Variants in MRGPRX2 observed in about 807,000 individuals in gnomAD.
MRGPRX2 encodes the protein mas-related G protein-coupled receptor member X2.
For missense variants in MRGPRX2, 389 were observed against 404.5 expected (o/e 0.96, Z 0.33); for synonymous variants, 183 against 175.6 (o/e 1.04, Z -0.33).
Position 19,056,211 on chromosome 11 carries a change from G to C in MRGPRX2, c.192C>G (p.Phe64Leu), listed in dbSNP as rs937314036. 4.3e-6 allele frequency: 7 copies of C among 1,614,024 alleles called. No individual in the cohort carries two copies. Among genetic ancestry groups the C allele is most frequent in the Non-Finnish European group, 5.1e-6 (6 of 1,179,982 alleles). ...LLGFRMRRNAFSVYVLSLAGA... is the reference protein window; with the variant it reads ...LLGFRMRRNALSVYVLSLAGA... ...CGGCCAGGCTGAGGACGTAGACAGAGAAGGCGTTCCTGCGCATGCGGAAGC... is the reference window on the plus strand; with the variant it reads ...CGGCCAGGCTGAGGACGTAGACAGACAAGGCGTTCCTGCGCATGCGGAAGC... The change falls in exon 2 of 2, where the codon TTC (phenylalanine) becomes TTG (leucine). Residue 64 changes from phenylalanine to leucine, a missense_variant. Coordinates refer to ENST00000329773, the MANE Select transcript of MRGPRX2 (RefSeq NM_054030.4).
chr11:19,057,206 CAT>C (rs1010560046), intron 1 of MRGPRX2, among the ~76,000 whole-genome samples: 50 of 152,288 alleles, frequency 3.3e-4, no homozygotes, highest in Middle Eastern at 3.4e-3. Context: ...AAAAAACACA[CAT>C]GTAAAGAAAT....
chr11:19,057,715 A>T (rs552784991), intron 1 of MRGPRX2, among the ~76,000 whole-genome samples: 1 of 152,276 alleles, frequency 6.6e-6, no homozygotes, highest in African/African-American at 2.4e-5. Context: ...GCCCTTACTC[A>T]TAATGGGGTG....
Position 19,056,292 on chromosome 11 carries a change from G to T in MRGPRX2, c.111C>A (p.Ile37=), listed in dbSNP as rs1206689111. ...GKETLIPVFL[I]LFIALVGLVG... ...CCAGCCCGACCAGGGCAATGAAAAGGATCAGGAAGACCGGGATCAGGGTCT... is the reference window on the plus strand; with the variant it reads ...CCAGCCCGACCAGGGCAATGAAAAGTATCAGGAAGACCGGGATCAGGGTCT... The change falls in exon 2 of 2, where the codon ATC becomes ATA. Residue 37 remains isoleucine, a synonymous_variant. Transcript: ENST00000329773. 2.5e-6 allele frequency: 4 copies of T among 1,614,232 alleles called. No homozygotes were observed. The highest frequency in any genetic ancestry group is 3.4e-6 in the Non-Finnish European group (4 of 1,180,042).
In MRGPRX2 at chr11:19,055,330, A is replaced by G. The variant is rs945014451; in HGVS notation, c.*80T>C. Reference sequence around the variant, plus strand: ...ACTGTTTTAAAATCAGGACTGAGAAAGTTCAGCAAATCAGACAGACAGGGG... The same window carrying G: ...ACTGTTTTAAAATCAGGACTGAGAAGGTTCAGCAAATCAGACAGACAGGGG... On this transcript the variant is annotated 3_prime_UTR_variant, in exon 2 of 2. Transcript: ENST00000329773. 1.5e-5 allele frequency: 22 copies of G among 1,437,470 alleles called. No homozygotes were observed. The African/African-American group carries it at 3.0e-4, about 20-fold the overall frequency. The allele number at this position is 1,437,470 out of a possible 1,614,324, so 89.0% of individuals were successfully genotyped here.
In MRGPRX2 at chr11:19,056,249, G is replaced by C; in HGVS notation, c.154C>G (p.Leu52Val). The C allele has an allele frequency of 5.0e-6, 8 of 1,614,176 alleles. No individual in the cohort carries two copies. Among genetic ancestry groups the C allele is most frequent in the Non-Finnish European group, 6.8e-6 (8 of 1,179,980 alleles). The change falls in exon 2 of 2, where the codon CTC becomes GTC. Residue 52 changes from leucine to valine, a missense_variant. Physicochemically the swap from Leu to Val is conservative, Grantham distance 32. Coordinates refer to ENST00000329773, the MANE Select transcript of MRGPRX2 (RefSeq NM_054030.4). ...CGCATGCGGAAGCCCAGGAGCCAGAGCACAAACCCGTTTCCTACCAGCCCG... is the reference window on the plus strand; with the variant it reads ...CGCATGCGGAAGCCCAGGAGCCAGACCACAAACCCGTTTCCTACCAGCCCG... The part of the protein sequence containing the change: ...LVGLVGNGFV[L>V]WLLGFRMRRN...
Position 19,056,244 on chromosome 11 carries a change from C to G in MRGPRX2, c.159G>C (p.Trp53Cys). The change falls in exon 2 of 2, where the codon TGG becomes TGC. Residue 53 changes from tryptophan (W) to cysteine (C), a missense_variant. By Grantham distance (215) the Trp-to-Cys change is radical (BLOSUM62 -2). Coordinates refer to ENST00000329773, the MANE Select transcript of MRGPRX2 (RefSeq NM_054030.4). ...VGLVGNGFVLWLLGFRMRRNA... is the reference protein window; with the variant it reads ...VGLVGNGFVLCLLGFRMRRNA... ...TCCTGCGCATGCGGAAGCCCAGGAG[C>G]CAGAGCACAAACCCGTTTCCTACCA... is the stretch of plus-strand genomic sequence containing the variant. 1 of 1,614,136 alleles carries G rather than the reference C, an allele frequency of 6.2e-7. No individual in the cohort carries two copies. Among genetic ancestry groups the G allele is most frequent in the Non-Finnish European group, 8.5e-7 (1 of 1,179,982 alleles).
At position 19,055,994 on chromosome 11, in the gene MRGPRX2, A is replaced by G. The variant is rs756382074; in HGVS notation, c.409T>C (p.Tyr137His). The G allele has an allele frequency of 3.1e-6, 5 of 1,614,106 alleles. No individual in the cohort carries two copies. The African/African-American group carries it at 4.0e-5, about 13-fold the overall frequency. ...RCLSVLWPIW[Y>H]RCRRPRHLSA... ...AGGTGTCTGGGGCGGCGGCAGCGATACCAGATGGGCCACAGGACGGACAGG... is the reference window on the plus strand; with the variant it reads ...AGGTGTCTGGGGCGGCGGCAGCGATGCCAGATGGGCCACAGGACGGACAGG... Residue 137 changes from tyrosine to histidine, a missense_variant, in exon 2 of 2, where the codon TAT becomes CAT. Physicochemically the swap from Tyr to His is moderately conservative, Grantham distance 83 (BLOSUM62 2). Transcript: ENST00000329773.
rs150418457 is a variant in MRGPRX2 at position 19,059,778 on chromosome 11, A to T, written c.-26+841T>A. Among the ~76,000 whole-genome samples the T allele has an allele frequency of 3.6e-3, 553 of 152,246 alleles. 3 individuals are homozygous for T. Among genetic ancestry groups the T allele is most frequent in the African/African-American group, 0.013 (531 of 41,548 alleles). On this transcript the variant is annotated intron_variant, in intron 1 of 1. Transcript: ENST00000329773. ...ACCTGCCTTTGCATCCTGGGAGGAG[A>T]CATGTCTGTGCCTCGTCAATGGGCT...
Position 19,055,698 on chromosome 11 carries a change from G to A in MRGPRX2, c.705C>T (p.Cys235=), listed in dbSNP as rs769146454. The A allele has an allele frequency of 1.2e-5, 20 of 1,614,174 alleles. No individual in the cohort carries two copies. Among genetic ancestry groups the A allele is most frequent in the African/African-American group, 2.7e-5 (2 of 75,036 alleles). The part of the protein sequence containing the change: ...ILLTVLVFLL[C]GLPFGIQWFL... ...ACCACTGAATGCCAAAGGGCAGGCC[G>A]CAGAGGAGGAACACCAGCACTGTGA... The change falls in exon 2 of 2, where the codon TGC becomes TGT. Residue 235 remains cysteine, a synonymous_variant. Transcript: ENST00000329773.
chr11:19,057,362 C>A (rs1849628912), intron 1 of MRGPRX2, among the ~76,000 whole-genome samples: 1 of 152,082 alleles, frequency 6.6e-6, no homozygotes, highest in Admixed American at 6.5e-5. Context: ...TTGCTCAGCA[C>A]CCAAAAGAGT....
Position 19,056,446 on chromosome 11 carries a change from C to T in MRGPRX2, c.-25-19G>A. 1 of 1,575,540 alleles carries T rather than the reference C, an allele frequency of 6.3e-7. No individual in the cohort carries two copies. The highest frequency in any genetic ancestry group is 8.6e-7 in the Non-Finnish European group (1 of 1,159,634). ...GGTGCCCCTGGAAACAAAAACAAGA[C>T]TTGAGCACCTGCTGCATGTTCACTG... On this transcript the variant is annotated intron_variant, in intron 1 of 1. Coordinates refer to ENST00000329773, the MANE Select transcript of MRGPRX2 (RefSeq NM_054030.4).
In MRGPRX2 at chr11:19,058,258, G is replaced by A. The variant is rs142085162; in HGVS notation, c.-25-1831C>T. ...GGGAAAGTGAATGTGTCCTCCATGG[G>A]GGTGCAGAATTGGCATCAAGGACTG... On this transcript the variant is annotated intron_variant, in intron 1 of 1. Transcript: ENST00000329773. 2.0e-3 allele frequency among the ~76,000 whole-genome samples: 302 copies of A among 152,232 alleles called. 1 individual carries two copies. Among genetic ancestry groups the A allele is most frequent in the Middle Eastern group, 0.01 (3 of 294 alleles).
rs760883002 is a variant in MRGPRX2, at chr11:19,055,600, GACAGGACAAC to G, written c.793_802del (p.Val265HisfsTer108). ...GGGGTTGGCACTGCTGTTAAGAGATGACAGGACAACTGAAACTGGATGAATATGACAAAAT... is the reference window on the plus strand; with the variant it reads ...GGGGTTGGCACTGCTGTTAAGAGATGTGAAACTGGATGAATATGACAAAAT... On this transcript the variant is annotated frameshift_variant, in exon 2 of 2. Coordinates refer to ENST00000329773, the MANE Select transcript of MRGPRX2 (RefSeq NM_054030.4). LOFTEE classifies it low-confidence loss of function (END_TRUNC). 2 of 1,614,074 alleles carry G rather than the reference GACAGGACAAC, an allele frequency of 1.2e-6. No homozygotes were observed. The highest frequency in any genetic ancestry group is 1.7e-6 in the Non-Finnish European group (2 of 1,180,038).
intron 1 of MRGPRX2, 143 bp from the exon 2 acceptor site, chr11:19,056,570 G>T (rs1243707332): frequency 1.6e-5 from 13 of 804,062 alleles, no homozygotes; most frequent in African/African-American, 1.4e-4. Context: ...TAAGGGCCAG[G>T]GAGTCCTAGC....
At position 19,056,016 on chromosome 11, in the gene MRGPRX2, C is replaced by A; in HGVS notation, c.387G>T (p.Leu129=). ...GATACCAGATGGGCCACAGGACGGA[C>A]AGGCAGCGCTCGGTGCTGACGGTGC... is the stretch of plus-strand genomic sequence containing the variant. ...MLSTVSTERC[L]SVLWPIWYRC... Residue 129 remains leucine, a synonymous_variant, in exon 2 of 2, where the codon CTG becomes CTT. Transcript: ENST00000329773. 1 of 1,614,234 alleles carries A rather than the reference C, an allele frequency of 6.2e-7. No individual in the cohort carries two copies. Among genetic ancestry groups the A allele is most frequent in the Non-Finnish European group, 8.5e-7 (1 of 1,180,046 alleles).
At position 19,056,359 on chromosome 11, in the gene MRGPRX2, ACTGTTGTACTTT is replaced by A. The variant is rs781018484; in HGVS notation, c.32_43del (p.Glu11_Thr14del). ...AAGAAGGGCTTGGTCATTTCCATTC[ACTGTTGTACTTT>A]CTGTTCCCCAGGCCGGGGTGGTTGG... is the stretch of plus-strand genomic sequence containing the variant. On this transcript the variant is annotated inframe_deletion, in exon 2 of 2. Transcript: ENST00000329773. 1 of 1,613,970 alleles carries A rather than the reference ACTGTTGTACTTT, an allele frequency of 6.2e-7. No homozygotes were observed.
chr11:19,055,927 A>C lies in MRGPRX2; in HGVS notation c.476T>G (p.Leu159Arg). ...GAACTTCCCTTCCAAGATGCTCAGC[A>C]GTAGGGACAGGGCCCAGAGCAGGAC... ...VCVLLWALSL[L>R]LSILEGKFCG... Residue 159 changes from leucine to arginine, a missense_variant, in exon 2 of 2, where the codon CTG becomes CGG. Coordinates refer to ENST00000329773, the MANE Select transcript of MRGPRX2 (RefSeq NM_054030.4). 3 of 1,614,260 alleles carry C rather than the reference A, an allele frequency of 1.9e-6. No homozygotes were observed. Among genetic ancestry groups the C allele is most frequent in the Middle Eastern group, 1.6e-4 (1 of 6,062 alleles).
intron 1 of MRGPRX2, among the ~76,000 whole-genome samples, chr11:19,059,939 T>C (rs537234602): frequency 1.2e-4 from 19 of 152,228 alleles, no homozygotes; most frequent in Non-Finnish European, 1.5e-4. Flanking sequence ...CCCTGCGCCC[T>C]GAAGGGCTGT....
At position 19,054,651 on chromosome 11, in the gene MRGPRX2, G is replaced by A. The variant is rs919314247; in HGVS notation, c.*759C>T. 23 of 152,204 alleles carry A rather than the reference G, an allele frequency of 1.5e-4. No homozygotes were observed. The highest frequency in any genetic ancestry group is 5.1e-4 in the African/African-American group (21 of 41,444). 9.4% of individuals were successfully genotyped at this position (152,204 alleles called of 1,614,324 possible). On this transcript the variant is annotated 3_prime_UTR_variant, in exon 2 of 2. Coordinates refer to ENST00000329773, the MANE Select transcript of MRGPRX2 (RefSeq NM_054030.4). ...GAGAGCCCCCAGAGAGGGAAGATTA[G>A]AACAAAGGCAAAGGGGAAGGAATGG... is the stretch of plus-strand genomic sequence containing the variant.
Sources: allele counts gnomAD v4.1 joint callset (sites outside exome capture counted in the v4.1 genomes callset), GRCh38; gene constraint gnomAD v4.1.1; transcripts MANE v1.5; gene names NCBI Gene and HGNC (gene_info 2026-07-23, HGNC 2026-07-21).